Variants in WDR81 observed in about 807,000 individuals in gnomAD.
The protein encoded by WDR81 is WD repeat-containing protein 81.
WDR81 carries 92 observed loss-of-function variants against 140.8 expected under a neutral mutation model. The ratio of observed to expected loss-of-function variants is 0.65; its 90% CI spans 0.55 to 0.78. WDR81 has a LOEUF of 0.78. Ranked by LOEUF, WDR81 falls within the 30% of genes least tolerant of loss-of-function variation. The probability of loss-of-function intolerance (pLI) is 0.00; values close to 1 mark genes in which losing one functional copy is unlikely to be tolerated. For synonymous variants in WDR81, 1,183 were observed against 1,156.4 expected, an observed-to-expected ratio of 1.02 and a Z score of -0.47; for missense variants, 2,502 against 2,636.4, an observed-to-expected ratio of 0.95 and a Z score of 1.12.
At position 1,736,188 on chromosome 17, in the gene WDR81, A is replaced by T. The variant is rs527670911; in HGVS notation, c.5475A>T (p.Pro1825=). The T allele has an allele frequency of 1.9e-6, 3 of 1,599,072 alleles. No homozygotes were observed. In the South Asian group the frequency reaches 3.3e-5, roughly 18 times the overall value. The change falls in exon 9 of 10, where the codon CCA becomes CCT. Residue 1825 remains proline, a synonymous_variant. Coordinates refer to ENST00000409644, the MANE Select transcript of WDR81 (RefSeq NM_001163809.2). ...CAGGCCTGGTTCTGCGAGGCTGGCC[A>T]GCCCACGAGGGGGACATTCTGCAGA... ...TRTGLVLRGW[P]AHEGDILQIK... is the part of the protein sequence containing the mutation.
chr17:1,723,062 ACT>A (rs1296015211), upstream of WDR81, among the ~76,000 whole-genome samples: 4 of 152,150 alleles, frequency 2.6e-5, no homozygotes, highest in East Asian at 1.9e-4. Flanking sequence ...CAAGAGGCAA[ACT>A]CTCTCCTAAG....
At chr17:1,733,092 G>T (rs891487946) in intron 6 of WDR81, 3 of 500,914 alleles carry the variant, frequency 6.0e-6, no homozygotes, top group Non-Finnish European at 1.0e-5. Context: ...TGGACTGGCG[G>T]TCCGCAGGAG....
At chr17:1,723,455 A>ATTTATTTT (rs1555561815), upstream of WDR81, among the ~76,000 whole-genome samples, 1 of 113,772 alleles carries the variant, frequency 8.8e-6, no homozygotes, top group South Asian at 2.9e-4. Context: ...TTATTTATTT[A>ATTTATTTT]TTTTTATTTA....
chr17:1,728,763 A>AGGC lies in WDR81; in HGVS notation c.3667+137_3667+138insGGC, dbSNP rs201312802. ...AGGTCAGGAGATCGAGACCATCCTA[A>AGGC]TAACAAGGTGAAACCCCGTCTCTAC... On this transcript the variant is annotated intron_variant, in intron 1 of 9. Coordinates refer to ENST00000409644, the MANE Select transcript of WDR81 (RefSeq NM_001163809.2). 8.5e-6 allele frequency: 10 copies of AGGC among 1,180,566 alleles called. No homozygotes were observed. In the Admixed American group the frequency reaches 3.1e-4, roughly 37 times the overall value. 73.1% of individuals were successfully genotyped at this position (1,180,566 alleles called of 1,614,324 possible). A position where few individuals can be genotyped will look rare whatever the true frequency, so the allele number is the denominator to read the frequency against.
At chr17:1,722,382 T>C (rs1914915233), upstream of WDR81, among the ~76,000 whole-genome samples, 1 of 149,982 alleles carries the variant, frequency 6.7e-6, no homozygotes, top group Non-Finnish European at 1.5e-5. Flanking sequence ...AGTCTCACTC[T>C]GTTGCCCAGG....
rs780504328 is a variant in WDR81, at chr17:1,731,273, C to T, written c.4157+15C>T. On this transcript the variant is annotated intron_variant, in intron 4 of 9. Coordinates refer to ENST00000409644, the MANE Select transcript of WDR81 (RefSeq NM_001163809.2). The stretch of plus-strand genomic sequence containing the variant: ...CTCGTCACGGGGTAGGCCTCTGCCC[C>T]AGCTGATGTAGGGGGACCGGCCCAG... The T allele has an allele frequency of 5.0e-6, 8 of 1,611,306 alleles. No individual in the cohort carries two copies. The highest frequency in any genetic ancestry group is 3.3e-5 in the South Asian group (3 of 90,774).
Position 1,733,874 on chromosome 17 carries a change from C to G in WDR81, c.4837C>G (p.Leu1613Val). Reference protein sequence around the residue: ...KQELPRSVHGLSGNWLAYWQY... With the variant: ...KQELPRSVHGVSGNWLAYWQY... Reference sequence around the variant, plus strand: ...GGAGCTGCCGCGGAGCGTGCACGGGCTGAGCGGAAACTGGCTGGCGTACTG... The same window carrying G: ...GGAGCTGCCGCGGAGCGTGCACGGGGTGAGCGGAAACTGGCTGGCGTACTG... The change falls in exon 7 of 10, where the codon CTG becomes GTG. Residue 1613 changes from leucine (L) to valine (V), a missense_variant. By Grantham distance (32) the Leu-to-Val change is conservative. Coordinates refer to ENST00000409644, the MANE Select transcript of WDR81 (RefSeq NM_001163809.2). 3 of 1,612,856 alleles carry G rather than the reference C, an allele frequency of 1.9e-6. No homozygotes were observed. The highest frequency in any genetic ancestry group is 2.5e-6 in the Non-Finnish European group (3 of 1,179,962).
upstream of WDR81, among the ~76,000 whole-genome samples, chr17:1,721,692 C>G (rs1466411647): frequency 1.3e-5 from 2 of 149,360 alleles, no homozygotes; most frequent in African/African-American, 2.5e-5. Flanking sequence ...TGTGGTGGCA[C>G]ATTCCTGTAG....
At position 1,726,988 on chromosome 17, in the gene WDR81, G is replaced by A. The variant is rs1915321474; in HGVS notation, c.2029G>A (p.Asp677Asn). The change falls in exon 1 of 10, where the codon GAC (aspartate) becomes AAC (asparagine). Residue 677 changes from aspartate to asparagine, a missense_variant. Asp to Asn is a conservative substitution (Grantham distance 23). Around this residue, in one of 3 missense-constraint regions of WDR81, gnomAD observed 1,737 missense variants for 1,843.0 expected, o/e 0.94. Transcript: ENST00000409644. The part of the protein sequence containing the change: ...DSISLAGKAG[D>N]QLGSSSQASP... ...CATTTCCCTTGCTGGGAAAGCAGGT[G>A]ACCAGCTGGGCTCCTCCAGTCAAGC... 5 of 1,550,430 alleles carry A rather than the reference G, an allele frequency of 3.2e-6. No homozygotes were observed. Among genetic ancestry groups the A allele is most frequent in the Admixed American group, 2.0e-5 (1 of 51,012 alleles).
Position 1,730,877 on chromosome 17 carries a change from C to A in WDR81, c.3898C>A (p.Leu1300Ile). 1 of 1,612,974 alleles carries A rather than the reference C, an allele frequency of 6.2e-7. No homozygotes were observed. Among genetic ancestry groups the A allele is most frequent in the South Asian group, 1.1e-5 (1 of 91,092 alleles). Residue 1300 changes from leucine (L) to isoleucine (I), a missense_variant, in exon 3 of 10, where the codon CTC becomes ATC. Leu to Ile is a conservative substitution (Grantham distance 5). Around this residue, in one of 3 missense-constraint regions of WDR81, gnomAD observed 1,737 missense variants for 1,843.0 expected, o/e 0.94. Transcript: ENST00000409644. ...IVSGPVLSCL[L>I]HIARLYGEPV... is the part of the protein sequence containing the mutation. Reference sequence around the variant, plus strand: ...GTCAGGGCCTGTGCTCAGCTGCCTCCTCCACATCGCCCGCCTGTATGGGGA... The same window carrying A: ...GTCAGGGCCTGTGCTCAGCTGCCTCATCCACATCGCCCGCCTGTATGGGGA...
Position 1,725,070 on chromosome 17 carries a change from C to T in WDR81, c.111C>T (p.Asp37=). The change falls in exon 1 of 10, where the codon GAC becomes GAT. Residue 37 remains aspartate, a synonymous_variant. Transcript: ENST00000409644. ...MQELLRSVER[D]LSIDPRQLAP... ...AGCTGCTCCGGAGCGTGGAGAGGGACCTGAGCATCGATCCCAGGCAGCTGG... is the reference window on the plus strand; with the variant it reads ...AGCTGCTCCGGAGCGTGGAGAGGGATCTGAGCATCGATCCCAGGCAGCTGG... The T allele has an allele frequency of 6.7e-7, 1 of 1,490,728 alleles. No individual in the cohort carries two copies. The highest frequency in any genetic ancestry group is 1.4e-5 in the African/African-American group (1 of 71,954). 92.3% of individuals were successfully genotyped at this position (1,490,728 alleles called of 1,614,324 possible).
rs1339560890 is a variant in WDR81 at position 1,728,349 on chromosome 17, C to T, written c.3390C>T (p.Ala1130=). The T allele has an allele frequency of 6.2e-7, 1 of 1,612,760 alleles. No homozygotes were observed. Among genetic ancestry groups the T allele is most frequent in the African/African-American group, 1.3e-5 (1 of 74,914 alleles). ...GEERAPDEGG[A]PVDKSSLRSG... ...AGCGGGCTCCAGACGAGGGGGGTGC[C>T]CCCGTGGACAAGAGCAGCCTTCGAT... is the stretch of plus-strand genomic sequence containing the variant. Residue 1130 remains alanine, a synonymous_variant, in exon 1 of 10, where the codon GCC becomes GCT. Coordinates refer to ENST00000409644, the MANE Select transcript of WDR81 (RefSeq NM_001163809.2).
chr17:1,719,244 A>G (rs1273494577), intron 1 of WDR81, among the ~76,000 whole-genome samples: 1 of 152,232 alleles, frequency 6.6e-6, no homozygotes, highest in Admixed American at 6.5e-5. Flanking sequence ...ACATTTAAAA[A>G]TATTTTAAAA....
rs1291821487 is a variant in WDR81, at chr17:1,725,153, G to A, written c.194G>A (p.Ser65Asn). The A allele has an allele frequency of 6.5e-7, 1 of 1,533,602 alleles. No individual in the cohort carries two copies. Among genetic ancestry groups the A allele is most frequent in the Non-Finnish European group, 8.7e-7 (1 of 1,144,446 alleles). 95.0% of individuals were successfully genotyped at this position (1,533,602 alleles called of 1,614,324 possible). Residue 65 changes from serine to asparagine, a missense_variant, in exon 1 of 10, where the codon AGC (serine) becomes AAC (asparagine). This residue lies in a region of WDR81 where 547 missense variants were observed against 513.8 expected (regional missense o/e 1.06). Transcript: ENST00000409644. ...CTAGTGCCTGCGCGCTGGCTGGCCA[G>A]CCTCCGCGATCGCCGGCTGCCCCTG... Reference protein sequence around the residue: ...VALVPARWLASLRDRRLPLGP... With the variant: ...VALVPARWLANLRDRRLPLGP...
chr17:1,736,501 A>G (rs550628400), intron 9 of WDR81, among the ~76,000 whole-genome samples: 526 of 152,218 alleles, frequency 3.5e-3, no homozygotes, highest in Non-Finnish European at 5.7e-3. Flanking sequence ...GCGATGTTCT[A>G]ATGAGTAACC....
chr17:1,732,905 T>C (rs2151172320), intron 6 of WDR81, 74 bp downstream of exon 6: 1 of 1,522,394 alleles, frequency 6.6e-7, no homozygotes, highest in East Asian at 2.3e-5. Context: ...TTCTCTGCCC[T>C]TGCCCCAGAG....
chr17:1,726,545 G>T lies in WDR81; in HGVS notation c.1586G>T (p.Arg529Leu). 2 of 1,550,390 alleles carry T rather than the reference G, an allele frequency of 1.3e-6. No individual in the cohort carries two copies. The highest frequency in any genetic ancestry group is 1.7e-6 in the Non-Finnish European group (2 of 1,147,000). The change falls in exon 1 of 10, where the codon CGA (arginine) becomes CTA (leucine). Residue 529 changes from arginine to leucine, a missense_variant. Transcript: ENST00000409644. ...SSSQEFVAAH[R>L]ALLESREVSR... is the part of the protein sequence containing the mutation. The stretch of plus-strand genomic sequence containing the variant: ...AGCCAGGAGTTCGTAGCTGCCCACC[G>T]AGCCCTGCTGGAGAGCCGCGAGGTA...
chr17:1,734,727 C>T (rs1038601813), intron 7 of WDR81, among the ~76,000 whole-genome samples: 9 of 151,256 alleles, frequency 6.0e-5, no homozygotes, highest in African/African-American at 1.5e-4. Context: ...TGCCGTGAGC[C>T]GAGATCGCAC....
In WDR81 at chr17:1,733,966, C is replaced by T; in HGVS notation, c.4929C>T (p.Ser1643=). ...ACTTCCACCAGATCCGCCTGCAGAG[C>T]TTCCCGGGCCACTCGGGGGCCGTCA... ...HFHFHQIRLQ[S]FPGHSGAVKC... The change falls in exon 7 of 10, where the codon AGC becomes AGT. Residue 1643 remains serine, a synonymous_variant. Coordinates refer to ENST00000409644, the MANE Select transcript of WDR81 (RefSeq NM_001163809.2). The T allele has an allele frequency of 6.2e-7, 1 of 1,612,886 alleles. No individual in the cohort carries two copies.
Sources: gnomAD v4.1 joint callset for allele counts (sites outside exome capture counted in the v4.1 genomes callset) on GRCh38, gnomAD v4.1.1 for gene constraint, gnomAD v4.1.1 regional missense constraint, MANE v1.5 for transcripts, NCBI Gene and HGNC (gene_info 2026-07-23, HGNC 2026-07-21) for gene names.